The following PXDNL variants were observed in gnomAD, a reference collection of about 807,000 sequenced individuals.
PXDNL encodes probable oxidoreductase PXDNL.
Under a neutral mutation model 150.8 loss-of-function variants are expected in PXDNL, and 145 were observed. That is an observed-to-expected ratio of 0.96 (90% confidence interval 0.84 to 1.10). The LOEUF is 1.10. PXDNL is among the 50% of genes least tolerant of loss of function. The pLI is 0.00. For missense variants in PXDNL, 2,087 were observed against 1,873.9 expected (o/e 1.11, Z -2.10); for synonymous variants, 757 against 725.7 (o/e 1.04, Z -0.69).
chr8:51,758,212 G>A (rs1471585658), intron 1 of PXDNL, among the ~76,000 whole-genome samples: 1 of 152,070 alleles, frequency 6.6e-6, no homozygotes, highest in Non-Finnish European at 1.5e-5. Context: ...CACCAGTGGA[G>A]TCACCACCTC....
intron 4 of PXDNL, among the ~76,000 whole-genome samples, chr8:51,536,396 G>C (rs1013557890): frequency 4.6e-5 from 7 of 151,326 alleles, no homozygotes; most frequent in Non-Finnish European, 1.0e-4. Flanking sequence ...ATACACAAAG[G>C]GAAGAAAAAG....
intron 4 of PXDNL, among the ~76,000 whole-genome samples, chr8:51,521,268 T>G (rs1811657531): frequency 6.6e-6 from 1 of 151,988 alleles, no homozygotes; most frequent in Non-Finnish European, 1.5e-5. Context: ...AAAAAGTCTT[T>G]ACTGGAAAAA....
intron 14 of PXDNL, among the ~76,000 whole-genome samples, chr8:51,413,665 G>A (rs1808715234): frequency 6.6e-6 from 1 of 152,032 alleles, no homozygotes; most frequent in African/African-American, 2.4e-5. Context: ...CCATCCCATA[G>A]AGGCTTCTTA....
At chr8:51,325,984 G>C (rs1442059516) in intron 21 of PXDNL, among the ~76,000 whole-genome samples, 1 of 152,128 alleles carries the variant, frequency 6.6e-6, no homozygotes, top group Non-Finnish European at 1.5e-5. Context: ...AGGGACTCAG[G>C]TTTTGTTGGG....
chr8:51,328,537 G>A (rs1198380117), intron 21 of PXDNL, among the ~76,000 whole-genome samples: 2 of 152,142 alleles, frequency 1.3e-5, no homozygotes, highest in South Asian at 2.1e-4. Flanking sequence ...GGCATCCCAC[G>A]ATCCAGAAAT....
At chr8:51,418,943 G>A (rs749436407) in intron 14 of PXDNL, among the ~76,000 whole-genome samples, 1 of 152,162 alleles carries the variant, frequency 6.6e-6, no homozygotes, top group Non-Finnish European at 1.5e-5. Context: ...AGCAATTTTA[G>A]GGAAGGAAAG....
chr8:51,738,887 T>C (rs539269535), intron 1 of PXDNL, among the ~76,000 whole-genome samples: 4 of 151,540 alleles, frequency 2.6e-5, no homozygotes, highest in African/African-American at 9.6e-5. Context: ...CACTTACTCA[T>C]TGATGTCAGT....
chr8:51,501,437 C>T (rs1000627133), intron 4 of PXDNL, among the ~76,000 whole-genome samples: 2 of 152,076 alleles, frequency 1.3e-5, no homozygotes, highest in African/African-American at 2.4e-5. Flanking sequence ...CACATGCTCA[C>T]ACTCACACAC....
intron 3 of PXDNL, among the ~76,000 whole-genome samples, chr8:51,567,554 A>G (rs1812853954): frequency 6.6e-6 from 1 of 151,668 alleles, no homozygotes; most frequent in African/African-American, 2.4e-5. Flanking sequence ...TTTGTCCTTA[A>G]GTCTGCTTTA....
rs1160607838 is a variant in PXDNL at position 51,409,062 on chromosome 8, G to A, written c.2562C>T (p.Gly854=). 6.2e-7 allele frequency: 1 copy of A among 1,609,678 alleles called. No homozygotes were observed. Among genetic ancestry groups the A allele is most frequent in the African/African-American group, 1.3e-5 (1 of 74,924 alleles). Residue 854 remains glycine (G), a synonymous_variant, in exon 17 of 23, where the codon GGC becomes GGT. Coordinates refer to ENST00000356297, the MANE Select transcript of PXDNL (RefSeq NM_144651.5). ...CGAAGAGCATGCAGGGCGCGTGGGT[G>A]CCCCGGGGGTCGGCGTGCCGGGTGT... The part of the protein sequence containing the change: ...PMNTRHADPR[G]THAPCMLFAR...
rs1371019829 is a variant in PXDNL at position 51,607,895 on chromosome 8, A to AGGAGG, written c.237-15198_237-15197insCCTCC. 1.3e-3 allele frequency among the ~76,000 whole-genome samples: 104 copies of AGGAGG among 82,914 alleles called. 1 individual carries two copies. Among genetic ancestry groups the AGGAGG allele is most frequent in the Non-Finnish European group, 2.1e-3 (83 of 39,424 alleles). The allele number at this position is 82,914 out of a possible 152,430, so 54.4% of individuals were successfully genotyped here. ...AAGGAAGGAAGGAAGGAAGGAAGGA[A>AGGAGG]GGTGGGGAGGGAGGGAGGGAAGGAA... On this transcript the variant is annotated intron_variant, in intron 2 of 22. Coordinates refer to ENST00000356297, the MANE Select transcript of PXDNL (RefSeq NM_144651.5).
chr8:51,577,701 A>T (rs557561888), intron 3 of PXDNL, among the ~76,000 whole-genome samples: 1 of 150,328 alleles, frequency 6.7e-6, no homozygotes, highest in Non-Finnish European at 1.5e-5. Context: ...TCAAAGCTCC[A>T]GGAAAATAGA....
intron 4 of PXDNL, among the ~76,000 whole-genome samples, chr8:51,551,348 C>A (rs1367391497): frequency 2.0e-5 from 3 of 151,642 alleles, no homozygotes; most frequent in Non-Finnish European, 4.4e-5. Flanking sequence ...CATATGGAAC[C>A]AAAAAAGAGC....
At chr8:51,357,580 A>G (rs1560510) in intron 19 of PXDNL, among the ~76,000 whole-genome samples, 111,533 of 152,124 alleles carry the variant, frequency 0.73, 41,440 homozygotes, top group East Asian at 0.94. Flanking sequence ...TGACAAAATC[A>G]GAGTCAGTAT....
intron 1 of PXDNL, among the ~76,000 whole-genome samples, chr8:51,762,708 A>G (rs1338536780): frequency 6.6e-6 from 1 of 152,210 alleles, no homozygotes; most frequent in African/African-American, 2.4e-5. Flanking sequence ...TTCCTAAGAT[A>G]TATGAAACAA....
At chr8:51,459,320 T>C (rs115267819) in intron 8 of PXDNL, among the ~76,000 whole-genome samples, 219 of 152,346 alleles carry the variant, frequency 1.4e-3, no homozygotes, top group African/African-American at 5.0e-3. Context: ...TAAAATTATC[T>C]AACACTGAAC....
At chr8:51,374,491 A>G (rs1807236001) in intron 18 of PXDNL, 106 bp downstream of exon 18, 1 of 1,087,032 alleles carries the variant, frequency 9.2e-7, no homozygotes, top group Admixed American at 2.0e-5. Context: ...CATTATACTC[A>G]ATATGCATTA....
chr8:51,683,178 T>TGA (rs1471434975), intron 1 of PXDNL, among the ~76,000 whole-genome samples: 1 of 122,176 alleles, frequency 8.2e-6, no homozygotes, highest in East Asian at 2.9e-4. Context: ...TATATATATA[T>TGA]ATATATATAT....
chr8:51,341,004 C>T (rs958312138), intron 20 of PXDNL, among the ~76,000 whole-genome samples: 11 of 152,198 alleles, frequency 7.2e-5, no homozygotes, highest in South Asian at 2.1e-4. Flanking sequence ...CGTGGGAACA[C>T]GGGGAAGTGG....
Sources: gnomAD v4.1 joint callset for allele counts (sites outside exome capture counted in the v4.1 genomes callset) on GRCh38, gnomAD v4.1.1 for gene constraint, MANE v1.5 for transcripts, NCBI Gene and HGNC (gene_info 2026-07-23, HGNC 2026-07-21) for gene names.